TIMM21: variants seen among roughly 807,000 people sequenced by gnomAD.
TIMM21 encodes mitochondrial import inner membrane translocase subunit Tim21.
TIMM21 carries 30 observed loss-of-function variants against 27.7 expected under a neutral mutation model. That is an observed-to-expected ratio of 1.08 (90% CI 0.81 to 1.47). TIMM21 has a LOEUF of 1.47. Among genes scored for constraint, TIMM21 ranks in the 40% most tolerant of loss-of-function variants. The probability of loss-of-function intolerance (pLI) is 0.00; values close to 1 mark genes in which losing one functional copy is unlikely to be tolerated. For synonymous variants in TIMM21, 121 were observed against 114.4 expected (o/e 1.06, Z -0.37); for missense variants, 292 against 302.9 (o/e 0.96, Z 0.27).
chr18:74,152,785 A>C lies in TIMM21; in HGVS notation c.302-2360A>C, dbSNP rs62097055. The stretch of plus-strand genomic sequence containing the variant: ...AAGGTTTATCAGGGAGTGCTCTCAG[A>C]ATACGTCTTGAGGGATGAGGGAAGC... On this transcript the variant is annotated intron_variant, in intron 1 of 5. Transcript: ENST00000169551. This position sits in a 1 kb window ranked among gnomAD's most constrained non-coding sequence, Gnocchi z 4.1. 0.075 allele frequency among the ~76,000 whole-genome samples: 11,484 copies of C among 152,244 alleles called. 635 individuals are homozygous for C. Among genetic ancestry groups the C allele is most frequent in the Admixed American group, 0.18 (2,702 of 15,294 alleles).
intron 1 of TIMM21, among the ~76,000 whole-genome samples, chr18:74,149,399 A>G (rs1325966166): frequency 1.3e-5 from 2 of 151,942 alleles, no homozygotes; most frequent in Admixed American, 1.3e-4. Context: ...GTAATTGGAT[A>G]GGATAAAAAG....
chr18:74,158,681 C>T lies in TIMM21; in HGVS notation c.*201C>T, dbSNP rs1980025610. 4.1e-6 allele frequency: 2 copies of T among 482,644 alleles called. No individual in the cohort carries two copies. The highest frequency in any genetic ancestry group is 5.7e-4 in the Middle Eastern group (1 of 1,768). 29.9% of individuals were successfully genotyped at this position (482,644 alleles called of 1,614,324 possible). A position where few individuals can be genotyped will look rare whatever the true frequency, so the allele number is the denominator to read the frequency against. ...AAATACAGCATATTTTATGTTCTCC[C>T]ATTGACTCAATCATGACAATATTTC... On this transcript the variant is annotated 3_prime_UTR_variant, in exon 6 of 6. Coordinates refer to ENST00000169551, the MANE Select transcript of TIMM21 (RefSeq NM_014177.3).
At position 74,149,129 on chromosome 18, in the gene TIMM21, T is replaced by G. The variant is rs372782098; in HGVS notation, c.301+20T>G. ...AAAAAGGTAAAAAGGAGTACTTTAATGATTGGGCTTTCAACAGACATGACA... is the reference window on the plus strand; with the variant it reads ...AAAAAGGTAAAAAGGAGTACTTTAAGGATTGGGCTTTCAACAGACATGACA... On this transcript the variant is annotated intron_variant, in intron 1 of 5. Transcript: ENST00000169551. The G allele has an allele frequency of 1.9e-6, 3 of 1,595,302 alleles. No individual in the cohort carries two copies. The African/African-American group carries it at 4.0e-5, about 21-fold the overall frequency.
chr18:74,154,141 A>G (rs1178608501), intron 1 of TIMM21, among the ~76,000 whole-genome samples: 1 of 152,260 alleles, frequency 6.6e-6, no homozygotes, highest in Non-Finnish European at 1.5e-5. Flanking sequence ...GTTGGGAGGG[A>G]CAATCGGGAA....
intron 1 of TIMM21, among the ~76,000 whole-genome samples, chr18:74,153,260 AT>A (rs1979860733): frequency 6.6e-6 from 1 of 152,230 alleles, no homozygotes; most frequent in Non-Finnish European, 1.5e-5. Context: ...AATATGGAGA[AT>A]ATTTAGCACA....
In TIMM21 at chr18:74,158,458, A is replaced by T. The variant is rs781510029; in HGVS notation, c.725A>T (p.Asp242Val). The T allele has an allele frequency of 6.3e-7, 1 of 1,591,906 alleles. No individual in the cohort carries two copies. The highest frequency in any genetic ancestry group is 1.1e-5 in the South Asian group (1 of 90,446). ...CCTAGAAGAACTATTATCATTGAAG[A>T]TAATCGATCCCAAGATGATTAAAAT... is the stretch of plus-strand genomic sequence containing the variant. ...SYPRRTIIIEDNRSQDD is the reference protein window; with the variant it reads ...SYPRRTIIIEVNRSQDD The change falls in exon 6 of 6, where the codon GAT (aspartate) becomes GTT (valine). Residue 242 changes from aspartate (D) to valine (V), a missense_variant. Asp to Val is a radical substitution (Grantham distance 152). Transcript: ENST00000169551.
chr18:74,150,919 T>C (rs1056104206), intron 1 of TIMM21, among the ~76,000 whole-genome samples: 3 of 152,228 alleles, frequency 2.0e-5, no homozygotes, highest in African/African-American at 7.2e-5. Context: ...GGGCTTCCAT[T>C]TGACTTTTCC....
intron 1 of TIMM21, among the ~76,000 whole-genome samples, chr18:74,154,273 T>G (rs1009153632): frequency 1.3e-5 from 2 of 151,070 alleles, no homozygotes; most frequent in Non-Finnish European, 3.0e-5. Context: ...CACTGTCTTT[T>G]TTTTTTTGGA....
In TIMM21 at chr18:74,151,937, T is replaced by C. The variant is rs1452119999; in HGVS notation, c.301+2828T>C. ...CCTTAAGAAGCAGTGGTGTCTATGT[T>C]CCCCCCCCCCCCGGGGGGACCTCCA... is the stretch of plus-strand genomic sequence containing the variant. On this transcript the variant is annotated intron_variant, in intron 1 of 5. Transcript: ENST00000169551. Among the ~76,000 whole-genome samples the C allele has an allele frequency of 4.2e-3, 394 of 94,282 alleles. 26 individuals carry two copies. Among genetic ancestry groups the C allele is most frequent in the African/African-American group, 0.02 (341 of 16,872 alleles). The allele number at this position is 94,282 out of a possible 152,430, so 61.9% of individuals were successfully genotyped here.
intron 1 of TIMM21, among the ~76,000 whole-genome samples, chr18:74,151,851 A>G (rs1979810525): frequency 6.7e-6 from 1 of 149,048 alleles, no homozygotes; most frequent in African/African-American, 2.5e-5. Flanking sequence ...TCATCACAGG[A>G]GCGTGCCCCA....
rs572883797 is a variant in TIMM21 at position 74,150,636 on chromosome 18, A to G, written c.301+1527A>G. ...AAGGCGTTCTTCAAAGCAATGGCCA[A>G]TACCATGAGATTGTGTTAATGCATT... On this transcript the variant is annotated intron_variant, in intron 1 of 5. Transcript: ENST00000169551. Among the ~76,000 whole-genome samples the G allele has an allele frequency of 8.5e-5, 13 of 152,326 alleles. No homozygotes were observed. The South Asian group carries it at 2.7e-3, about 32-fold the overall frequency.
intron 3 of TIMM21, among the ~76,000 whole-genome samples, chr18:74,155,924 C>T (rs1340857620): frequency 1.3e-5 from 2 of 152,162 alleles, no homozygotes; most frequent in Non-Finnish European, 2.9e-5. Flanking sequence ...AGTGGGGGAA[C>T]CGGAACCCGA....
In TIMM21 at chr18:74,158,025, CTT is replaced by C. The variant is rs1283127110; in HGVS notation, c.476_477del (p.Phe159TrpfsTer2). The C allele has an allele frequency of 5.6e-6, 9 of 1,614,106 alleles. No individual in the cohort carries two copies. Among genetic ancestry groups the C allele is most frequent in the Non-Finnish European group, 7.6e-6 (9 of 1,180,034 alleles). On this transcript the variant is annotated frameshift_variant, in exon 4 of 6. Transcript: ENST00000169551. LOFTEE classifies it high-confidence loss of function. ...CRSHPEVIGV[F>X]GESVKGYGEV... ...TCCTTGTTCTGCAGGTGATCGGTGT[CTT>C]TGGTGAGTCTGTTAAAGGCTATGGG... is the stretch of plus-strand genomic sequence containing the variant.
At chr18:74,155,531 G>C (rs116581614) in intron 3 of TIMM21, 128 bp downstream of exon 3, 1 of 741,918 alleles carries the variant, frequency 1.3e-6, no homozygotes, top group African/African-American at 1.8e-5. Context: ...CATAATGGTC[G>C]AGTCATCATT....
In TIMM21 at chr18:74,148,735, G is replaced by C; in HGVS notation, c.-74G>C. 1 of 1,440,428 alleles carries C rather than the reference G, an allele frequency of 6.9e-7. No individual in the cohort carries two copies. Among genetic ancestry groups the C allele is most frequent in the East Asian group, 2.3e-5 (1 of 43,498 alleles). 89.2% of individuals were successfully genotyped at this position (1,440,428 alleles called of 1,614,324 possible). On this transcript the variant is annotated 5_prime_UTR_variant, in exon 1 of 6. Transcript: ENST00000169551. ...TATAGGCTTGAGTACGTGTCCGGCC[G>C]CATGTGTAGTGAACCCTAAAGCTTT...
At position 74,152,769 on chromosome 18, in the gene TIMM21, C is replaced by G. The variant is rs1478925245; in HGVS notation, c.302-2376C>G. ...GAAGTGGGATTTGCGTAAGGTTTATCAGGGAGTGCTCTCAGAATACGTCTT... is the reference window on the plus strand; with the variant it reads ...GAAGTGGGATTTGCGTAAGGTTTATGAGGGAGTGCTCTCAGAATACGTCTT... On this transcript the variant is annotated intron_variant, in intron 1 of 5. Transcript: ENST00000169551. The surrounding 1 kb of genome is among the most constrained non-coding windows in gnomAD (Gnocchi z 4.1). Among the ~76,000 whole-genome samples the G allele has an allele frequency of 2.0e-5, 3 of 152,214 alleles. No homozygotes were observed. The highest frequency in any genetic ancestry group is 4.4e-5 in the Non-Finnish European group (3 of 68,040).
At chr18:74,155,067 C>G in intron 1 of TIMM21, 78 bp from the exon 2 acceptor site, 3 of 1,447,566 alleles carry the variant, frequency 2.1e-6, no homozygotes, top group Non-Finnish European at 2.9e-6. Flanking sequence ...TTTTCTCTCG[C>G]AAGAAGTGCA....
chr18:74,149,459 GTTACC>G (rs1979728547), intron 1 of TIMM21, among the ~76,000 whole-genome samples: 1 of 152,124 alleles, frequency 6.6e-6, no homozygotes, highest in African/African-American at 2.4e-5. Flanking sequence ...ACTTTCACAT[GTTACC>G]TGCAGTAATA....
Position 74,155,358 on chromosome 18 carries a change from C to T in TIMM21, c.417C>T (p.Ser139=). The T allele has an allele frequency of 6.2e-7, 1 of 1,613,610 alleles. No individual in the cohort carries two copies. Among genetic ancestry groups the T allele is most frequent in the South Asian group, 1.1e-5 (1 of 90,868 alleles). Residue 139 remains serine (S), a synonymous_variant, in exon 3 of 6, where the codon AGC becomes AGT. Coordinates refer to ENST00000169551, the MANE Select transcript of TIMM21 (RefSeq NM_014177.3). ...AACTTTTTTCTTCATCCAGTCCTAGCAAGATATATGGGAGAGCCTTAGAAA... is the reference window on the plus strand; with the variant it reads ...AACTTTTTTCTTCATCCAGTCCTAGTAAGATATATGGGAGAGCCTTAGAAA... ...FKELFSSSSP[S]KIYGRALEKC...
Sources: allele counts gnomAD v4.1 joint callset (sites outside exome capture counted in the v4.1 genomes callset), GRCh38; gene constraint gnomAD v4.1.1; non-coding constraint Gnocchi (gnomAD v3.1); transcripts MANE v1.5; gene names NCBI Gene and HGNC (gene_info 2026-07-23, HGNC 2026-07-21).